GTF2I: variants seen among roughly 807,000 people sequenced by gnomAD.
GTF2I encodes the protein general transcription factor IIi, also known as general transcription factor II-I.
A neutral mutation model predicts 67.6 loss-of-function variants in GTF2I; 12 were observed. The ratio of observed to expected loss-of-function variants is 0.18; its 90% CI spans 0.11 to 0.29. GTF2I has a LOEUF of 0.29. Ranked by LOEUF, GTF2I falls within the 10% of genes least tolerant of loss-of-function variation. The pLI is 1.00. For synonymous variants in GTF2I, 149 were observed against 197.0 expected (o/e 0.76, Z 2.04); for missense variants, 271 against 580.1 (o/e 0.47, Z 5.47).
intron 3 of GTF2I, among the ~76,000 whole-genome samples, chr7:74,692,376 T>C (rs587601510): frequency 6.6e-6 from 1 of 152,206 alleles, no homozygotes; most frequent in South Asian, 2.1e-4. Flanking sequence ...GGCCGGGAGT[T>C]CTTTTCTAGA....
intron 4 of GTF2I, chr7:74,699,907 T>A (rs900446344): frequency 6.4e-5 from 14 of 218,560 alleles, no homozygotes; most frequent in African/African-American, 3.2e-4. Flanking sequence ...TAGTTGGATG[T>A]GCTGGGCTTC....
Position 74,743,451 on chromosome 7 carries a change from AAAG to A in GTF2I, c.1686_1688del (p.Glu562del), listed in dbSNP as rs1795187812. 2 of 555,280 alleles carry A rather than the reference AAAG, an allele frequency of 3.6e-6. No homozygotes were observed. Among genetic ancestry groups the A allele is most frequent in the Non-Finnish European group, 6.8e-6 (2 of 295,006 alleles). 34.4% of individuals were successfully genotyped at this position (555,280 alleles called of 1,614,324 possible). The stretch of plus-strand genomic sequence containing the variant: ...TTGGGTTTCTTTTTGTTTTCCAGTC[AAAG>A]AAGATTGGAATGTCAGAATTACCAA... On this transcript the variant is annotated inframe_deletion, in exon 20 of 35. Transcript: ENST00000573035.
chr7:74,674,360 C>G (rs901186256), intron 1 of GTF2I, among the ~76,000 whole-genome samples: 9 of 152,098 alleles, frequency 5.9e-5, no homozygotes, highest in Admixed American at 1.3e-4. Context: ...GCCACGGCGC[C>G]CAGTCTGAGT....
chr7:74,682,101 A>T (rs1416881434), intron 1 of GTF2I, among the ~76,000 whole-genome samples: 1 of 152,210 alleles, frequency 6.6e-6, no homozygotes, highest in Non-Finnish European at 1.5e-5. Flanking sequence ...TGGAGCCAGT[A>T]TAACCTTTAG....
intron 9 of GTF2I, among the ~76,000 whole-genome samples, chr7:74,713,369 CAT>C (rs782729264): frequency 2.0e-5 from 3 of 152,120 alleles, no homozygotes; most frequent in Non-Finnish European, 4.4e-5. Context: ...TATGTACAGT[CAT>C]GTGGGAGATT....
intron 1 of GTF2I, among the ~76,000 whole-genome samples, chr7:74,660,799 A>G (rs1158419839): frequency 1.3e-5 from 2 of 150,024 alleles, no homozygotes; most frequent in African/African-American, 2.4e-5. Flanking sequence ...GGGCACTTTT[A>G]CTTTCCTCTG....
At chr7:74,707,838 C>G (rs1790943808) in intron 8 of GTF2I, among the ~76,000 whole-genome samples, 1 of 151,876 alleles carries the variant, frequency 6.6e-6, no homozygotes, top group Non-Finnish European at 1.5e-5. Context: ...TGAATTCTTT[C>G]AACTGTCTTT....
Position 74,705,169 on chromosome 7 carries a change from C to A in GTF2I, c.592C>A (p.Arg198Ser). Reference protein sequence around the residue: ...FLEPKKHVGGRVMVTDADRSI... With the variant: ...FLEPKKHVGGSVMVTDADRSI... ...TTTTTTTTTTTTGTATGTAGGTGGT[C>A]GTGTGATGGTAACAGATGCTGACAG... Residue 198 changes from arginine to serine, a missense_variant, in exon 7 of 35, where the codon CGT becomes AGT. Around this residue, in one of 9 missense-constraint regions of GTF2I, gnomAD observed 124 missense variants for 147.0 expected, o/e 0.84. Coordinates refer to ENST00000573035, the MANE Select transcript of GTF2I (RefSeq NM_032999.4). 1 of 1,594,884 alleles carries A rather than the reference C, an allele frequency of 6.3e-7. No homozygotes were observed. Among genetic ancestry groups the A allele is most frequent in the South Asian group, 1.1e-5 (1 of 90,520 alleles).
At chr7:74,671,472 CTTG>C (rs1344022539) in intron 1 of GTF2I, among the ~76,000 whole-genome samples, 5 of 148,980 alleles carry the variant, frequency 3.4e-5, no homozygotes, top group East Asian at 3.9e-4. Context: ...TCTGAAGTGT[CTTG>C]TTTTTTTTTT....
At chr7:74,687,358 G>T (rs587594643) in intron 1 of GTF2I, among the ~76,000 whole-genome samples, 11 of 152,198 alleles carry the variant, frequency 7.2e-5, no homozygotes, top group Admixed American at 2.0e-4. Context: ...CCAAGTAGCT[G>T]GGATTACAGG....
intron 8 of GTF2I, among the ~76,000 whole-genome samples, chr7:74,708,245 T>C (rs977508151): frequency 1.4e-4 from 21 of 152,106 alleles, no homozygotes; most frequent in African/African-American, 4.6e-4. Context: ...AGAGGTTACA[T>C]TGAGTCAAGA....
chr7:74,674,398 A>G (rs1017097050), intron 1 of GTF2I, among the ~76,000 whole-genome samples: 1 of 152,138 alleles, frequency 6.6e-6, no homozygotes, highest in African/African-American at 2.4e-5. Flanking sequence ...AATAGTTGCA[A>G]GAACAGCAAA....
chr7:74,703,530 C>T (rs1038590134), intron 6 of GTF2I, among the ~76,000 whole-genome samples: 45 of 152,212 alleles, frequency 3.0e-4, no homozygotes, highest in African/African-American at 7.9e-4. Context: ...CAGGTGCCCG[C>T]CACCATGCCC....
At chr7:74,708,113 A>G (rs1442613579) in intron 8 of GTF2I, among the ~76,000 whole-genome samples, 1 of 152,144 alleles carries the variant, frequency 6.6e-6, no homozygotes, top group Non-Finnish European at 1.5e-5. Context: ...CGGCCTGGCC[A>G]ACATGGTGAA....
At chr7:74,721,765 A>C (rs1011154184) in intron 12 of GTF2I, among the ~76,000 whole-genome samples, 4 of 152,086 alleles carry the variant, frequency 2.6e-5, no homozygotes, top group Non-Finnish European at 5.9e-5. Flanking sequence ...ATTTTGGTAT[A>C]TCTTCATAAC....
At chr7:74,668,338 T>C (rs1554389400) in intron 1 of GTF2I, among the ~76,000 whole-genome samples, 268 of 7,880 alleles carry the variant, frequency 0.034, no homozygotes, top group Admixed American at 0.049. Context: ...CCATTGTGTG[T>C]GTGTGTGTGT....
At chr7:74,708,228 AGG>A (rs1791030433) in intron 8 of GTF2I, among the ~76,000 whole-genome samples, 1 of 152,176 alleles carries the variant, frequency 6.6e-6, no homozygotes, top group South Asian at 2.1e-4. Context: ...GTTTGAACTC[AGG>A]AGGTAGAGGT....
chr7:74,708,934 G>A (rs1042987015), intron 8 of GTF2I, among the ~76,000 whole-genome samples: 34 of 152,300 alleles, frequency 2.2e-4, no homozygotes, highest in African/African-American at 7.7e-4. Flanking sequence ...TCAAAATGGG[G>A]GGACACAGTG....
At chr7:74,659,448 G>T (rs1804275559) in intron 1 of GTF2I, among the ~76,000 whole-genome samples, 1 of 151,756 alleles carries the variant, frequency 6.6e-6, no homozygotes, top group South Asian at 2.1e-4. Flanking sequence ...GAAGTGCACT[G>T]GTGTGATCTC....
Sources: allele counts gnomAD v4.1 joint callset (sites outside exome capture counted in the v4.1 genomes callset), GRCh38; gene constraint gnomAD v4.1.1; regional missense constraint gnomAD v4.1.1; transcripts MANE v1.5; gene names NCBI Gene and HGNC (gene_info 2026-07-23, HGNC 2026-07-21).